Variants in METTL16 observed in about 807,000 individuals in gnomAD.
METTL16 encodes the protein RNA N(6)-adenosine-methyltransferase METTL16.
In METTL16, 19 loss-of-function variants were observed where a neutral mutation model predicts 57.9. That is an observed-to-expected ratio of 0.33 (90% confidence interval 0.23 to 0.48). The LOEUF is 0.48. Ranked by LOEUF, METTL16 falls within the 20% of genes least tolerant of loss-of-function variation. The pLI is 0.99. For missense variants in METTL16, 434 were observed against 691.5 expected (o/e 0.63, Z 4.18); for synonymous variants, 246 against 255.6 (o/e 0.96, Z 0.36).
In METTL16 at chr17:2,420,917, G is replaced by A. The variant is rs1236015794; in HGVS notation, c.889-13C>T. The A allele has an allele frequency of 1.2e-6, 2 of 1,608,802 alleles. No individual in the cohort carries two copies. The highest frequency in any genetic ancestry group is 1.7e-5 in the Admixed American group (1 of 58,720). The stretch of plus-strand genomic sequence containing the variant: ...TACTTGGTGGTGACTGCAAGAAAAA[G>A]GAAGCATAGAAAAGAGAAGAAAGTT... On this transcript the variant is annotated splice_polypyrimidine_tract_variant and intron_variant, in intron 8 of 9. Coordinates refer to ENST00000263092, the MANE Select transcript of METTL16 (RefSeq NM_024086.4). The surrounding 1 kb of genome is among the most constrained non-coding windows in gnomAD (Gnocchi z 5.4).
chr17:2,421,051 G>A (rs1293127525), intron 8 of METTL16, 147 bp from the exon 9 acceptor site: 1 of 884,298 alleles, frequency 1.1e-6, no homozygotes, highest in African/African-American at 1.7e-5. Context: ...TGTGTGTTAT[G>A]TCCAGCACTT....
intron 2 of METTL16, among the ~76,000 whole-genome samples, chr17:2,488,327 T>G (rs1164454664): frequency 6.6e-6 from 1 of 151,958 alleles, no homozygotes; most frequent in African/African-American, 2.4e-5. Flanking sequence ...GAGGCTGAGG[T>G]GGGCAGATCA....
intron 2 of METTL16, among the ~76,000 whole-genome samples, chr17:2,500,400 C>T (rs2067478703): frequency 6.6e-6 from 1 of 152,106 alleles, no homozygotes; most frequent in Admixed American, 6.5e-5. Flanking sequence ...CCTCACTCAG[C>T]CTCCGGAGTA....
rs1319732428 is a variant in METTL16 at position 2,428,579 on chromosome 17, AT to A, written c.889-7676del. ...AAAAAAAAAAAATATATATATATATATATATATATATATATATATATATAAA... is the reference window on the plus strand; with the variant it reads ...AAAAAAAAAAAATATATATATATATAATATATATATATATATATATATAAA... On this transcript the variant is annotated intron_variant, in intron 8 of 9. Transcript: ENST00000263092. Among the ~76,000 whole-genome samples, 65 of 42,900 alleles carry A rather than the reference AT, an allele frequency of 1.5e-3. 2 individuals are homozygous for A. The highest frequency in any genetic ancestry group is 6.5e-3 in the African/African-American group (62 of 9,474). The allele number at this position is 42,900 out of a possible 152,430, so 28.1% of individuals were successfully genotyped here.
chr17:2,508,172 A>C (rs1022214642), intron 1 of METTL16, among the ~76,000 whole-genome samples: 1 of 152,192 alleles, frequency 6.6e-6, no homozygotes, highest in Non-Finnish European at 1.5e-5. Flanking sequence ...TCCTAGCAAT[A>C]AATATTTTTC....
In METTL16 at chr17:2,417,765, T is replaced by C. The variant is rs893820333; in HGVS notation, c.*2205A>G. 3.9e-5 allele frequency: 6 copies of C among 152,058 alleles called. No homozygotes were observed. The highest frequency in any genetic ancestry group is 2.0e-4 in the Admixed American group (3 of 15,258). 9.4% of individuals were successfully genotyped at this position (152,058 alleles called of 1,614,324 possible). A position where few individuals can be genotyped will look rare whatever the true frequency, so the allele number is the denominator to read the frequency against. On this transcript the variant is annotated 3_prime_UTR_variant, in exon 10 of 10. Coordinates refer to ENST00000263092, the MANE Select transcript of METTL16 (RefSeq NM_024086.4). ...CCAAGAGTGGTTATGTTACAGAAGG[T>C]TGGGACTCGGGGTGATTTTGTTGTT...
intron 6 of METTL16, among the ~76,000 whole-genome samples, chr17:2,447,173 G>A (rs1049290728): frequency 6.8e-6 from 1 of 146,848 alleles, no homozygotes. Context: ...TCTAGGAAGT[G>A]AGGAGCGTCT....
chr17:2,486,364 C>T (rs572666935), intron 2 of METTL16, among the ~76,000 whole-genome samples: 291 of 151,970 alleles, frequency 1.9e-3, no homozygotes, highest in African/African-American at 6.7e-3. Flanking sequence ...TTACGCCTCC[C>T]GGGTTCAAGC....
At chr17:2,464,469 T>C in intron 5 of METTL16, 119 bp from the exon 6 acceptor site, 1 of 913,722 alleles carries the variant, frequency 1.1e-6, no homozygotes, top group Non-Finnish European at 1.6e-6. Context: ...AATAGTATGC[T>C]AGATTTAGGA....
intron 2 of METTL16, among the ~76,000 whole-genome samples, chr17:2,500,802 T>G (rs1308881342): frequency 6.6e-6 from 1 of 152,152 alleles, no homozygotes; most frequent in East Asian, 1.9e-4. Flanking sequence ...CCTGAAACAC[T>G]TATACTATTA....
At chr17:2,481,242 A>C (rs1315866605) in intron 2 of METTL16, among the ~76,000 whole-genome samples, 5 of 151,682 alleles carry the variant, frequency 3.3e-5, no homozygotes, top group East Asian at 1.9e-4. Context: ...AAAAAAAAAA[A>C]CCCAGGATAT....
intron 2 of METTL16, among the ~76,000 whole-genome samples, chr17:2,480,339 G>A (rs141206412): frequency 8.2e-4 from 125 of 152,130 alleles, no homozygotes; most frequent in African/African-American, 2.8e-3. Flanking sequence ...TAATGATTTC[G>A]TCTGACCTCT....
intron 1 of METTL16, 52 bp downstream of exon 1, chr17:2,511,707 G>A (rs1247845295): frequency 2.5e-6 from 1 of 396,338 alleles, no homozygotes; most frequent in East Asian, 3.6e-5. Flanking sequence ...TGTGATCCAC[G>A]GGTTAAGTGA....
intron 4 of METTL16, among the ~76,000 whole-genome samples, chr17:2,473,053 T>C (rs1448142746): frequency 6.6e-6 from 1 of 152,036 alleles, no homozygotes; most frequent in Non-Finnish European, 1.5e-5. Context: ...CCCACTCTGT[T>C]GGGGGATGCT....
At chr17:2,497,185 T>C (rs926088094) in intron 2 of METTL16, among the ~76,000 whole-genome samples, 1 of 151,284 alleles carries the variant, frequency 6.6e-6, no homozygotes, top group Non-Finnish European at 1.5e-5. Flanking sequence ...TTTGTATTTT[T>C]AGTAGAGACG....
At chr17:2,472,585 T>C (rs1597460407) in intron 4 of METTL16, among the ~76,000 whole-genome samples, 1 of 151,768 alleles carries the variant, frequency 6.6e-6, no homozygotes, top group Non-Finnish European at 1.5e-5. Context: ...TACACCCAGA[T>C]AATGGAATAT....
In METTL16 at chr17:2,438,124, A is replaced by G; in HGVS notation, c.873T>C (p.Asp291=). 6.2e-7 allele frequency: 1 copy of G among 1,613,430 alleles called. No individual in the cohort carries two copies. Among genetic ancestry groups the G allele is most frequent in the Non-Finnish European group, 8.5e-7 (1 of 1,179,444 alleles). Residue 291 remains aspartate (D), a synonymous_variant, in exon 8 of 10, where the codon GAT becomes GAC. Transcript: ENST00000263092. ...MRWALAWSFY[D]DVTVPSPPSK... The stretch of plus-strand genomic sequence containing the variant: ...CTGTACTTACTGGTACTGTGACATC[A>G]TCATAAAAACTCCAAGCTAAGGCCC...
intron 7 of METTL16, 63 bp from the exon 8 acceptor site, chr17:2,438,261 G>T: frequency 8.7e-7 from 1 of 1,151,038 alleles, no homozygotes; most frequent in Non-Finnish European, 1.3e-6. Flanking sequence ...GTTTCTGGCT[G>T]CTGCGTCATG....
At chr17:2,505,890 C>T (rs2067529147) in intron 1 of METTL16, among the ~76,000 whole-genome samples, 1 of 152,116 alleles carries the variant, frequency 6.6e-6, no homozygotes, top group Admixed American at 6.6e-5. Flanking sequence ...CCTGGCCTTG[C>T]CTATCTTTTC....
Sources: allele counts gnomAD v4.1 joint callset (sites outside exome capture counted in the v4.1 genomes callset), GRCh38; gene constraint gnomAD v4.1.1; non-coding constraint Gnocchi (gnomAD v3.1); transcripts MANE v1.5; gene names NCBI Gene and HGNC (gene_info 2026-07-23, HGNC 2026-07-21).